Variants in STAG1 observed in about 807,000 individuals in gnomAD.
The protein encoded by STAG1 is STAG1 cohesin complex component.
Under a neutral mutation model 170.9 loss-of-function variants are expected in STAG1, and 26 were observed. That is an observed-to-expected ratio of 0.15 (90% CI 0.11 to 0.21). STAG1 has a LOEUF of 0.21. STAG1 is among the 10% of genes least tolerant of loss of function. STAG1 has a pLI of 1.00. For synonymous variants in STAG1, 514 were observed against 497.7 expected (o/e 1.03, Z -0.44); for missense variants, 964 against 1,509.5 (o/e 0.64, Z 5.99).
chr3:136,654,340 C>T (rs577900937), intron 1 of STAG1, among the ~76,000 whole-genome samples: 95 of 152,236 alleles, frequency 6.2e-4, no homozygotes, highest in African/African-American at 2.2e-3. Flanking sequence ...CATTTCTATA[C>T]ACTAACAATG....
intron 1 of STAG1, among the ~76,000 whole-genome samples, chr3:136,697,182 C>T (rs970275568): frequency 4.6e-5 from 7 of 152,058 alleles, no homozygotes; most frequent in African/African-American, 1.7e-4. Flanking sequence ...TAAAATTTTC[C>T]ACACTTAACA....
intron 9 of STAG1, among the ~76,000 whole-genome samples, chr3:136,478,199 G>C (rs1432595124): frequency 1.3e-5 from 2 of 152,144 alleles, no homozygotes; most frequent in Admixed American, 6.5e-5. Flanking sequence ...TTTAGGCTGA[G>C]ACGGAAGAAT....
chr3:136,471,015 T>C (rs1469711205), intron 12 of STAG1, among the ~76,000 whole-genome samples: 1 of 149,734 alleles, frequency 6.7e-6, no homozygotes. Context: ...TTAGGAGATA[T>C]ACCTAATGTA....
chr3:136,568,422 T>TA (rs1937156246), intron 5 of STAG1, among the ~76,000 whole-genome samples: 1 of 152,122 alleles, frequency 6.6e-6, no homozygotes, highest in Admixed American at 6.5e-5. Context: ...TGCTAGCAAC[T>TA]AGCACACTTC....
chr3:136,491,318 C>G (rs1441319440), intron 9 of STAG1, among the ~76,000 whole-genome samples: 1 of 152,104 alleles, frequency 6.6e-6, no homozygotes, highest in Non-Finnish European at 1.5e-5. Context: ...TTTTAAAGGA[C>G]TGGTGAAGTA....
intron 29 of STAG1, 131 bp downstream of exon 29, chr3:136,349,027 C>T (rs1936339092): frequency 1.4e-5 from 10 of 721,456 alleles, no homozygotes; most frequent in South Asian, 3.6e-5. Context: ...TTTGCCTTAA[C>T]ATCTCATTGT....
chr3:136,693,608 A>G (rs1942792641), intron 1 of STAG1, among the ~76,000 whole-genome samples: 1 of 152,038 alleles, frequency 6.6e-6, no homozygotes, highest in Non-Finnish European at 1.5e-5. Context: ...CTGTGGGTGA[A>G]TTTATCTGTT....
intron 8 of STAG1, 93 bp downstream of exon 8, chr3:136,502,535 T>C: frequency 1.3e-5 from 17 of 1,353,260 alleles, no homozygotes; most frequent in Non-Finnish European, 1.6e-5. Context: ...AATATACACA[T>C]AAACCTTTTT....
rs924695598 is a variant in STAG1 at position 136,551,410 on chromosome 3, C to A, written c.395-9215G>T. ...TCTGCAAGCTAGGACTATAGGCAGG[C>A]ATCAATACATCTGGCTAATTTTTTT... On this transcript the variant is annotated intron_variant, in intron 5 of 33. Coordinates refer to ENST00000383202, the MANE Select transcript of STAG1 (RefSeq NM_005862.3). Among the ~76,000 whole-genome samples the A allele has an allele frequency of 1.1e-3, 152 of 142,156 alleles. 1 individual carries two copies. The highest frequency in any genetic ancestry group is 3.0e-4 in the Non-Finnish European group (20 of 66,714). The allele number at this position is 142,156 out of a possible 152,430, so 93.3% of individuals were successfully genotyped here.
At chr3:136,369,383 T>C (rs890246850) in intron 23 of STAG1, 101 bp from the exon 24 acceptor site, 3 of 810,612 alleles carry the variant, frequency 3.7e-6, no homozygotes, top group Non-Finnish European at 5.3e-6. Flanking sequence ...TTAATAGCAG[T>C]ACCATAATAT....
chr3:136,673,348 G>A (rs1240025441), intron 1 of STAG1, among the ~76,000 whole-genome samples: 2 of 152,138 alleles, frequency 1.3e-5, no homozygotes, highest in Non-Finnish European at 2.9e-5. Context: ...TCTCTTCACT[G>A]TATGACACGG....
intron 3 of STAG1, among the ~76,000 whole-genome samples, chr3:136,611,583 C>G (rs1939280282): frequency 6.6e-6 from 1 of 151,828 alleles, no homozygotes; most frequent in South Asian, 2.1e-4. Flanking sequence ...GCAACCTCCC[C>G]TCCCAAGCTT....
At chr3:136,713,151 A>AT (rs1488828878) in intron 1 of STAG1, among the ~76,000 whole-genome samples, 1 of 152,230 alleles carries the variant, frequency 6.6e-6, no homozygotes, top group East Asian at 1.9e-4. Flanking sequence ...CAAACTAAAA[A>AT]TAATGTAATA....
chr3:136,340,470 A>G (rs748406131), intron 32 of STAG1, 21 bp downstream of exon 32: 1 of 1,514,632 alleles, frequency 6.6e-7, no homozygotes. Context: ...AACAAAAGAA[A>G]AATATAGTGA....
chr3:136,477,990 A>G (rs2089799568), intron 9 of STAG1, among the ~76,000 whole-genome samples: 1 of 152,036 alleles, frequency 6.6e-6, no homozygotes, highest in African/African-American at 2.4e-5. Flanking sequence ...GGGTTTCATC[A>G]TATTGGCCAG....
chr3:136,421,063 G>T, intron 20 of STAG1, 30 bp downstream of exon 20: 1 of 1,458,348 alleles, frequency 6.9e-7, no homozygotes, highest in Non-Finnish European at 9.5e-7. Context: ...GAGCCACCTC[G>T]TTGCCTTTAC....
intron 1 of STAG1, among the ~76,000 whole-genome samples, chr3:136,664,514 T>C (rs192061861): frequency 1.3e-5 from 2 of 152,264 alleles, no homozygotes; most frequent in Admixed American, 6.5e-5. Context: ...CCATATACCT[T>C]AGAGCACTGT....
At chr3:136,652,723 T>C (rs1487371725) in intron 1 of STAG1, among the ~76,000 whole-genome samples, 1 of 152,094 alleles carries the variant, frequency 6.6e-6, no homozygotes, top group Non-Finnish European at 1.5e-5. Context: ...TGTTAACATC[T>C]CCCTCCGATA....
At chr3:136,684,272 T>TC (rs1942435955) in intron 1 of STAG1, among the ~76,000 whole-genome samples, 1 of 152,170 alleles carries the variant, frequency 6.6e-6, no homozygotes, top group African/African-American at 2.4e-5. Flanking sequence ...CGTAGCAACT[T>TC]CAAGATTTAC....
Sources: gnomAD v4.1 joint callset for allele counts (sites outside exome capture counted in the v4.1 genomes callset) on GRCh38, gnomAD v4.1.1 for gene constraint, MANE v1.5 for transcripts, NCBI Gene and HGNC (gene_info 2026-07-23, HGNC 2026-07-21) for gene names.